AK9: variants seen among roughly 807,000 people sequenced by gnomAD.
AK9 encodes the protein adenylate kinase domain containing 1.
In AK9, 191 loss-of-function variants were observed where a neutral mutation model predicts 239.6. The observed-to-expected ratio is 0.80, with a 90% confidence interval of 0.71 to 0.90. The LOEUF (loss-of-function observed/expected upper bound fraction) is 0.90, where lower values mean the gene tolerates loss of function less well. AK9 is among the 40% of genes least tolerant of loss of function. The probability of loss-of-function intolerance (pLI) is 0.00; values close to 1 mark genes in which losing one functional copy is unlikely to be tolerated. For synonymous variants in AK9, 689 were observed against 721.0 expected, an observed-to-expected ratio of 0.96 and a Z score of 0.71; for missense variants, 1,995 against 2,214.7, an observed-to-expected ratio of 0.90 and a Z score of 1.99.
chr6:109,612,187 G>C (rs1385487533), intron 15 of AK9, 94 bp from the exon 16 acceptor site: 1 of 727,940 alleles, frequency 1.4e-6, no homozygotes. Context: ...TAGGGAACCA[G>C]GACTCACATT....
At chr6:109,597,532 G>C (rs189134399) in intron 17 of AK9, among the ~76,000 whole-genome samples, 41 of 152,206 alleles carry the variant, frequency 2.7e-4, no homozygotes, top group African/African-American at 9.4e-4. Flanking sequence ...AATTAGCCAG[G>C]TGTGGTGGCG....
intron 36 of AK9, among the ~76,000 whole-genome samples, chr6:109,498,258 G>C (rs1040813222): frequency 1.3e-5 from 2 of 152,220 alleles, no homozygotes; most frequent in Non-Finnish European, 2.9e-5. Flanking sequence ...CTGCCAGCCC[G>C]TATTCCTGTC....
intron 20 of AK9, among the ~76,000 whole-genome samples, chr6:109,578,865 A>G (rs1342171317): frequency 9.4e-6 from 1 of 106,268 alleles, no homozygotes; most frequent in Non-Finnish European, 2.1e-5. Context: ...TTTATTTCCA[A>G]TTTTATTCCA....
At chr6:109,633,377 A>T (rs1252384588) in intron 10 of AK9, 54 bp from the exon 11 acceptor site, 5 of 1,507,264 alleles carry the variant, frequency 3.3e-6, no homozygotes, top group Non-Finnish European at 3.6e-6. Flanking sequence ...TGCTGAAATT[A>T]GGAGCATTAA....
At chr6:109,524,882 C>T (rs1780281898) in intron 29 of AK9, among the ~76,000 whole-genome samples, 1 of 152,036 alleles carries the variant, frequency 6.6e-6, no homozygotes, top group Non-Finnish European at 1.5e-5. Context: ...AATATTGACC[C>T]TAAGTAGAAT....
At chr6:109,658,556 G>A (rs797018407) in intron 7 of AK9, among the ~76,000 whole-genome samples, 1 of 152,116 alleles carries the variant, frequency 6.6e-6, no homozygotes, top group Non-Finnish European at 1.5e-5. Flanking sequence ...CAACTGGAAC[G>A]TGCTGTAAAT....
chr6:109,646,040 GCATCAA>G (rs1445558106), intron 8 of AK9, among the ~76,000 whole-genome samples: 1 of 152,198 alleles, frequency 6.6e-6, no homozygotes. Flanking sequence ...GAAAACAGTA[GCATCAA>G]CATCAACAAA....
In AK9 at chr6:109,659,286, G is replaced by T; in HGVS notation, c.572C>A (p.Ala191Asp). 6.2e-7 allele frequency: 1 copy of T among 1,601,764 alleles called. No homozygotes were observed. The highest frequency in any genetic ancestry group is 8.5e-7 in the Non-Finnish European group (1 of 1,175,996). ...CTCTTCTCCTTTTCCGTCCTTTTGG[G>T]CTTCTTTCTTCTTTTTCCTATGATT... is the stretch of plus-strand genomic sequence containing the variant. ...IENHRKKKKE[A>D]QKDGKGEEEE... Residue 191 changes from alanine to aspartate, a missense_variant, in exon 7 of 41, where the codon GCC becomes GAC. Physicochemically the swap from Ala to Asp is moderately radical, Grantham distance 126. Around this residue, in one of 5 missense-constraint regions of AK9, gnomAD observed 252 missense variants for 246.4 expected, o/e 1.02. Coordinates refer to ENST00000424296, the MANE Select transcript of AK9 (RefSeq NM_001145128.3).
chr6:109,602,149 T>C (rs1792094409), intron 17 of AK9, among the ~76,000 whole-genome samples: 2 of 152,150 alleles, frequency 1.3e-5, no homozygotes, highest in African/African-American at 4.8e-5. Context: ...GCTCATTAGT[T>C]GATAGTTTCT....
rs1309913996 is a variant in AK9 at position 109,546,142 on chromosome 6, G to A, written c.2965-15C>T. On this transcript the variant is annotated splice_polypyrimidine_tract_variant and intron_variant, in intron 25 of 40. Transcript: ENST00000424296. ...AATGGAGGAGCCTGTCACAGGGGGT[G>A]GGTCAGGGAGGGGTGGGATAAAGGG... 1.3e-6 allele frequency: 2 copies of A among 1,556,636 alleles called. No individual in the cohort carries two copies. Among genetic ancestry groups the A allele is most frequent in the Admixed American group, 1.9e-5 (1 of 53,084 alleles).
chr6:109,575,057 A>C (rs984985728), intron 20 of AK9, among the ~76,000 whole-genome samples: 4 of 152,150 alleles, frequency 2.6e-5, no homozygotes, highest in Non-Finnish European at 5.9e-5. Flanking sequence ...TTTATGGCTC[A>C]GTAGTATTCC....
At chr6:109,661,538 G>A (rs1025553408) in intron 6 of AK9, among the ~76,000 whole-genome samples, 6 of 152,144 alleles carry the variant, frequency 3.9e-5, no homozygotes, top group Admixed American at 6.6e-5. Flanking sequence ...GTTTTTGTAT[G>A]TGGTTTCAGT....
chr6:109,543,383 A>T (rs1783130898), intron 26 of AK9, among the ~76,000 whole-genome samples: 1 of 152,190 alleles, frequency 6.6e-6, no homozygotes, highest in South Asian at 2.1e-4. Flanking sequence ...AAAACTGTAG[A>T]CAAGCAGGAG....
At chr6:109,561,313 A>ATGTTT (rs1471600776) in intron 24 of AK9, among the ~76,000 whole-genome samples, 13 of 150,626 alleles carry the variant, frequency 8.6e-5, no homozygotes, top group African/African-American at 2.0e-4. Context: ...AGTTTATTTT[A>ATGTTT]TGTTTTGTTT....
chr6:109,639,391 T>G (rs1199395627), intron 10 of AK9, among the ~76,000 whole-genome samples: 1 of 152,232 alleles, frequency 6.6e-6, no homozygotes, highest in Non-Finnish European at 1.5e-5. Flanking sequence ...TTTGCATTTC[T>G]CTGATGACCA....
In AK9 at chr6:109,675,653, A is replaced by G; in HGVS notation, c.93T>C (p.Val31=). Residue 31 remains valine (V), a synonymous_variant, in exon 2 of 41, where the codon GTT becomes GTC. Coordinates refer to ENST00000424296, the MANE Select transcript of AK9 (RefSeq NM_001145128.3). ...CTGGTTTCCCAAATACAACAAAGCA[A>G]ACAGGTTTGGACAACAAAAAATTCC... ...TERNFLLSKP[V]CFVVFGKPGV... is the part of the protein sequence containing the mutation. 1 of 1,574,820 alleles carries G rather than the reference A, an allele frequency of 6.3e-7. No individual in the cohort carries two copies. Among genetic ancestry groups the G allele is most frequent in the Non-Finnish European group, 8.6e-7 (1 of 1,162,116 alleles).
chr6:109,627,681 A>AGTCTC (rs1160744109), intron 12 of AK9, among the ~76,000 whole-genome samples: 1 of 151,912 alleles, frequency 6.6e-6, no homozygotes, highest in Admixed American at 6.6e-5. Flanking sequence ...TTTGAGACAG[A>AGTCTC]GTCTCTCCTT....
chr6:109,618,318 T>C (rs1485784649), intron 13 of AK9, among the ~76,000 whole-genome samples: 1 of 152,072 alleles, frequency 6.6e-6, no homozygotes, highest in East Asian at 1.9e-4. Context: ...TGTGTTCTAA[T>C]ATGATTAGTT....
intron 10 of AK9, among the ~76,000 whole-genome samples, chr6:109,637,495 G>A (rs1796868084): frequency 6.6e-6 from 1 of 152,106 alleles, no homozygotes; most frequent in Non-Finnish European, 1.5e-5. Context: ...AAGCCACCAT[G>A]CCCGGCTTCT....
Sources: gnomAD v4.1 joint callset for allele counts (sites outside exome capture counted in the v4.1 genomes callset) on GRCh38, gnomAD v4.1.1 for gene constraint, gnomAD v4.1.1 regional missense constraint, MANE v1.5 for transcripts, NCBI Gene and HGNC (gene_info 2026-07-23, HGNC 2026-07-21) for gene names.